Variants in NTM observed in about 807,000 individuals in gnomAD.
NTM encodes the protein IgLON family member 2.
A neutral mutation model predicts 42.1 loss-of-function variants in NTM; 13 were observed. The ratio of observed to expected loss-of-function variants is 0.31; its 90% CI spans 0.20 to 0.49. NTM has a LOEUF of 0.49. Ranked by LOEUF, NTM falls within the 20% of genes least tolerant of loss-of-function variation. The pLI, the probability that NTM is intolerant of heterozygous loss-of-function variation, is 0.99. For missense variants in NTM, 373 were observed against 452.8 expected, an observed-to-expected ratio of 0.82 and a Z score of 1.60; for synonymous variants, 187 against 179.2, an observed-to-expected ratio of 1.04 and a Z score of -0.35.
At chr11:132,226,629 AT>A (rs1408481604) in intron 4 of NTM, among the ~76,000 whole-genome samples, 3 of 152,156 alleles carry the variant, frequency 2.0e-5, no homozygotes, top group African/African-American at 7.2e-5. Flanking sequence ...TACTTTAACC[AT>A]GAAGAGAAAG....
At chr11:131,482,948 G>A (rs1406779791) in intron 1 of NTM, among the ~76,000 whole-genome samples, 1 of 152,184 alleles carries the variant, frequency 6.6e-6, no homozygotes, top group Non-Finnish European at 1.5e-5. Flanking sequence ...GAGAGAAGAA[G>A]CACACGCAGA....
chr11:131,689,381 G>A (rs2074367310), intron 1 of NTM, among the ~76,000 whole-genome samples: 1 of 152,216 alleles, frequency 6.6e-6, no homozygotes, highest in South Asian at 2.1e-4. Context: ...ACTGAGAAAG[G>A]AGAAGGGTCA....
chr11:131,527,429 A>T (rs889970136), intron 1 of NTM, among the ~76,000 whole-genome samples: 1 of 152,176 alleles, frequency 6.6e-6, no homozygotes, highest in African/African-American at 2.4e-5. Flanking sequence ...CCACCTGGAT[A>T]TTCTTATCAC....
Position 131,379,903 on chromosome 11 carries a change from G to A in NTM, c.82+9015G>A, listed in dbSNP as rs79844940. 2.7e-3 allele frequency among the ~76,000 whole-genome samples: 409 copies of A among 152,192 alleles called. 1 individual carries two copies. Among genetic ancestry groups the A allele is most frequent in the African/African-American group, 9.3e-3 (387 of 41,522 alleles). ...TTCCAGTCTTCTCCCAGTATGTCCTGGTAGCCCAGCATATTAGAGCCCAGC... is the reference window on the plus strand; with the variant it reads ...TTCCAGTCTTCTCCCAGTATGTCCTAGTAGCCCAGCATATTAGAGCCCAGC... On this transcript the variant is annotated intron_variant, in intron 1 of 8. Coordinates refer to ENST00000683400, the MANE Select transcript of NTM (RefSeq NM_001352005.2).
chr11:131,816,650 C>T (rs1386153933), intron 1 of NTM, among the ~76,000 whole-genome samples: 1 of 152,082 alleles, frequency 6.6e-6, no homozygotes, highest in East Asian at 1.9e-4. Context: ...ACCTCTATAA[C>T]AACCCTGCTG....
intron 1 of NTM, among the ~76,000 whole-genome samples, chr11:131,695,657 C>T (rs2075356903): frequency 6.6e-6 from 1 of 152,176 alleles, no homozygotes. Context: ...TTAGGAGCAA[C>T]TTCACCGGCA....
At chr11:131,505,433 A>G (rs1209345739) in intron 1 of NTM, among the ~76,000 whole-genome samples, 1 of 152,198 alleles carries the variant, frequency 6.6e-6, no homozygotes, top group African/African-American at 2.4e-5. Context: ...CAAATGCTGA[A>G]TCTCAGTCTC....
At chr11:132,161,395 T>TCCCC (rs1348565271) in intron 3 of NTM, among the ~76,000 whole-genome samples, 1 of 97,392 alleles carries the variant, frequency 1.0e-5, no homozygotes, top group African/African-American at 4.6e-5. Context: ...TTTTTTTTTT[T>TCCCC]CCCCACAAAA....
At chr11:131,390,462 G>A (rs1943859554) in intron 1 of NTM, among the ~76,000 whole-genome samples, 1 of 152,124 alleles carries the variant, frequency 6.6e-6, no homozygotes, top group South Asian at 2.1e-4. Flanking sequence ...ACACATTGAA[G>A]CAAACCAGAA....
At position 132,335,340 on chromosome 11, in the gene NTM, G is replaced by GAA. The variant is rs1184371379; in HGVS notation, c.*197_*198dup. 4.8e-6 allele frequency: 3 copies of GAA among 624,798 alleles called. No homozygotes were observed. Among genetic ancestry groups the GAA allele is most frequent in the Non-Finnish European group, 8.1e-6 (3 of 370,106 alleles). 38.7% of individuals were successfully genotyped at this position (624,798 alleles called of 1,614,324 possible). A position where few individuals can be genotyped will look rare whatever the true frequency, so the allele number is the denominator to read the frequency against. Reference sequence around the variant, plus strand: ...GGAAAAAAGTTTTAAAAAAGAAATTGAAAATTGCCTTGCAGATATTTAGGT... The same window carrying GAA: ...GGAAAAAAGTTTTAAAAAAGAAATTGAAAAAATTGCCTTGCAGATATTTAGGT... On this transcript the variant is annotated 3_prime_UTR_variant, in exon 9 of 9. Transcript: ENST00000683400.
chr11:131,967,388 C>T (rs187528142), intron 2 of NTM, among the ~76,000 whole-genome samples: 4 of 152,288 alleles, frequency 2.6e-5, no homozygotes, highest in African/African-American at 4.8e-5. Flanking sequence ...AGGCATATCA[C>T]GGTCTCAGCT....
intron 2 of NTM, among the ~76,000 whole-genome samples, chr11:132,142,440 C>G (rs2069375223): frequency 6.6e-6 from 1 of 152,142 alleles, no homozygotes; most frequent in Non-Finnish European, 1.5e-5. Context: ...TCTGAATGTC[C>G]CACCTCCAGA....
intron 1 of NTM, among the ~76,000 whole-genome samples, chr11:131,621,348 G>A (rs2137654677): frequency 6.6e-6 from 1 of 152,190 alleles, no homozygotes; most frequent in Non-Finnish European, 1.5e-5. Flanking sequence ...TTGCCAAGTG[G>A]TCAGGAGATG....
chr11:131,430,869 C>A (rs1271220979), intron 1 of NTM, among the ~76,000 whole-genome samples: 3 of 152,242 alleles, frequency 2.0e-5, no homozygotes, highest in Admixed American at 2.0e-4. Flanking sequence ...CTCCTGGCAG[C>A]GTTCTGCGGG....
At chr11:132,082,134 G>A (rs1309020429) in intron 2 of NTM, among the ~76,000 whole-genome samples, 1 of 151,794 alleles carries the variant, frequency 6.6e-6, no homozygotes, top group East Asian at 1.9e-4. Context: ...GGTGATCCTA[G>A]CCATTTAGTC....
rs534189644 is a variant in NTM, at chr11:131,904,026, G to C, written c.83-7538G>C. Among the ~76,000 whole-genome samples the C allele has an allele frequency of 1.7e-3, 256 of 152,258 alleles. 2 individuals are homozygous for C. Among genetic ancestry groups the C allele is most frequent in the African/African-American group, 5.9e-3 (246 of 41,546 alleles). Reference sequence around the variant, plus strand: ...CTAAGGTGACAAAATGATGGGCTGAGTTGAAACTAGAACTCAGGTCTTCTG... The same window carrying C: ...CTAAGGTGACAAAATGATGGGCTGACTTGAAACTAGAACTCAGGTCTTCTG... On this transcript the variant is annotated intron_variant, in intron 1 of 8. Transcript: ENST00000683400.
intron 2 of NTM, among the ~76,000 whole-genome samples, chr11:132,132,981 A>T (rs1024660840): frequency 2.0e-5 from 3 of 152,224 alleles, no homozygotes; most frequent in Admixed American, 2.0e-4. Flanking sequence ...AAATCTTACA[A>T]TCCACTCACC....
At chr11:131,772,430 TC>T (rs748709555) in intron 1 of NTM, among the ~76,000 whole-genome samples, 5 of 152,178 alleles carry the variant, frequency 3.3e-5, no homozygotes, top group Non-Finnish European at 7.3e-5. Context: ...CCTGACCTAA[TC>T]AGGTCAACCC....
intron 1 of NTM, among the ~76,000 whole-genome samples, chr11:131,814,962 C>A (rs547325153): frequency 6.6e-6 from 1 of 152,292 alleles, no homozygotes; most frequent in South Asian, 2.1e-4. Flanking sequence ...GCTTCCCATA[C>A]CAACACACTG....
Sources: allele counts gnomAD v4.1 joint callset (sites outside exome capture counted in the v4.1 genomes callset), GRCh38; gene constraint gnomAD v4.1.1; transcripts MANE v1.5; gene names NCBI Gene and HGNC (gene_info 2026-07-23, HGNC 2026-07-21).